The following RNGTT variants were observed in gnomAD, a reference collection of about 807,000 sequenced individuals.
RNGTT encodes the protein RNA guanylyltransferase and 5'-phosphatase, also known as mRNA-capping enzyme.
In RNGTT, 33 loss-of-function variants were observed where a neutral mutation model predicts 79.3. The observed-to-expected ratio is 0.42, with a 90% CI of 0.32 to 0.56. The LOEUF (loss-of-function observed/expected upper bound fraction) is 0.56, where lower values mean the gene tolerates loss of function less well. Ranked by LOEUF, RNGTT falls within the 20% of genes least tolerant of loss-of-function variation. The pLI is 0.17. For missense variants in RNGTT, 497 were observed against 739.1 expected (o/e 0.67, Z 3.80); for synonymous variants, 222 against 235.9 (o/e 0.94, Z 0.54).
intron 8 of RNGTT, among the ~76,000 whole-genome samples, chr6:88,873,515 G>C (rs1782421644): frequency 6.6e-6 from 1 of 152,026 alleles, no homozygotes; most frequent in Admixed American, 6.6e-5. Context: ...GCACATAACA[G>C]ACACTTAAAA....
At chr6:88,836,064 T>C (rs1185803512) in intron 11 of RNGTT, among the ~76,000 whole-genome samples, 2 of 126,130 alleles carry the variant, frequency 1.6e-5, no homozygotes, top group African/African-American at 5.9e-5. Flanking sequence ...TATATAAGAT[T>C]TACATGTATA....
chr6:88,835,975 AACACACACAC>A lies in RNGTT; in HGVS notation c.1269+8372_1269+8381del, dbSNP rs72228554. Among the ~76,000 whole-genome samples the A allele has an allele frequency of 1.8e-3, 202 of 113,772 alleles. 3 individuals carry two copies. Among genetic ancestry groups the A allele is most frequent in the Admixed American group, 0.011 (108 of 10,116 alleles). The allele number at this position is 113,772 out of a possible 152,430, so 74.6% of individuals were successfully genotyped here. On this transcript the variant is annotated intron_variant, in intron 11 of 15. Transcript: ENST00000369485. Reference sequence around the variant, plus strand: ...ACAGCAAGACTCTGTCTCTATTAAAAACACACACACACACACACACACACACACACACACA... The same window carrying A: ...ACAGCAAGACTCTGTCTCTATTAAAAACACACACACACACACACACACACA...
chr6:88,949,330 G>A (rs1303091904), intron 1 of RNGTT, among the ~76,000 whole-genome samples: 2 of 140,412 alleles, frequency 1.4e-5, no homozygotes, highest in Middle Eastern at 4.2e-3. Context: ...GCACAACCTC[G>A]GCTCACTACA....
At chr6:88,614,470 A>G in intron 14 of RNGTT, 75 bp from the exon 15 acceptor site, 1 of 1,400,372 alleles carries the variant, frequency 7.1e-7, no homozygotes, top group Non-Finnish European at 1.0e-6. Context: ...TGACAGGCAC[A>G]TTAGGAAATG....
intron 12 of RNGTT, among the ~76,000 whole-genome samples, chr6:88,780,990 C>CCATCTAGT (rs879365165): frequency 2.0e-5 from 3 of 152,114 alleles, no homozygotes; most frequent in African/African-American, 4.8e-5. Flanking sequence ...GGTGCTACTG[C>CCATCTAGT]CATCTAGTGG....
At chr6:88,850,950 G>T (rs1389046025) in intron 9 of RNGTT, among the ~76,000 whole-genome samples, 1 of 151,956 alleles carries the variant, frequency 6.6e-6, no homozygotes, top group Non-Finnish European at 1.5e-5. Flanking sequence ...AACCACTGAA[G>T]GGTTTTCAAA....
intron 9 of RNGTT, among the ~76,000 whole-genome samples, chr6:88,852,957 G>C (rs1781720115): frequency 6.6e-6 from 1 of 152,096 alleles, no homozygotes; most frequent in Non-Finnish European, 1.5e-5. Context: ...GCTAAGTGTG[G>C]GGAAAAAGAC....
intron 11 of RNGTT, among the ~76,000 whole-genome samples, chr6:88,834,272 A>G (rs953044946): frequency 1.3e-4 from 20 of 152,324 alleles, no homozygotes; most frequent in African/African-American, 4.8e-4. Flanking sequence ...TGGGACAATA[A>G]ATCTTTACGT....
chr6:88,939,844 C>A (rs1784790110), intron 2 of RNGTT, among the ~76,000 whole-genome samples: 1 of 151,536 alleles, frequency 6.6e-6, no homozygotes. Flanking sequence ...CCTCAACCTC[C>A]TGGGTTCAAG....
chr6:88,709,910 G>A (rs1314927560), intron 13 of RNGTT, among the ~76,000 whole-genome samples: 1 of 152,324 alleles, frequency 6.6e-6, no homozygotes, highest in East Asian at 1.9e-4. Flanking sequence ...TTACAGAAAT[G>A]AGCATATACA....
At chr6:88,650,135 A>T (rs1310315890) in intron 14 of RNGTT, among the ~76,000 whole-genome samples, 1 of 152,218 alleles carries the variant, frequency 6.6e-6, no homozygotes, top group Admixed American at 6.5e-5. Flanking sequence ...AGCATGGAAG[A>T]GTTCATCACT....
intron 2 of RNGTT, among the ~76,000 whole-genome samples, chr6:88,930,324 T>C (rs1468954376): frequency 1.3e-5 from 2 of 151,426 alleles, no homozygotes; most frequent in African/African-American, 2.4e-5. Flanking sequence ...GTTACATTTT[T>C]TGAAAAGAAA....
At chr6:88,861,804 C>G (rs1441971422) in intron 8 of RNGTT, among the ~76,000 whole-genome samples, 3 of 152,144 alleles carry the variant, frequency 2.0e-5, no homozygotes, top group South Asian at 2.1e-4. Flanking sequence ...CAGTTTTCCC[C>G]AAAGTTTTTA....
rs112288606 is a variant in RNGTT, at chr6:88,809,985, C to T, written c.1270-8353G>A. ...ATCATTTGAGCCCCAGAGGTTGCAGCTGCAATGAGTCCTGATTGCACCACT... is the reference window on the plus strand; with the variant it reads ...ATCATTTGAGCCCCAGAGGTTGCAGTTGCAATGAGTCCTGATTGCACCACT... On this transcript the variant is annotated intron_variant, in intron 11 of 15. Coordinates refer to ENST00000369485, the MANE Select transcript of RNGTT (RefSeq NM_003800.5). 6.3e-3 allele frequency among the ~76,000 whole-genome samples: 952 copies of T among 152,170 alleles called. 10 individuals carry two copies. The highest frequency in any genetic ancestry group is 0.022 in the African/African-American group (914 of 41,516).
intron 14 of RNGTT, 50 bp downstream of exon 14, chr6:88,678,303 C>T: frequency 6.3e-7 from 1 of 1,576,896 alleles, no homozygotes; most frequent in Non-Finnish European, 8.6e-7. Context: ...TTGATGGATT[C>T]TAGATAAGAG....
At chr6:88,896,866 A>G (rs1783267160) in intron 6 of RNGTT, among the ~76,000 whole-genome samples, 1 of 152,190 alleles carries the variant, frequency 6.6e-6, no homozygotes, top group South Asian at 2.1e-4. Context: ...ATCCATTGAA[A>G]TAACTCGACC....
At chr6:88,683,185 A>G (rs1775155370) in intron 13 of RNGTT, among the ~76,000 whole-genome samples, 1 of 152,158 alleles carries the variant, frequency 6.6e-6, no homozygotes, top group African/African-American at 2.4e-5. Context: ...CAAAAACACT[A>G]AAAACTATTC....
intron 1 of RNGTT, among the ~76,000 whole-genome samples, chr6:88,955,816 G>A (rs1785411270): frequency 1.3e-5 from 2 of 151,968 alleles, no homozygotes; most frequent in Non-Finnish European, 2.9e-5. Flanking sequence ...GCCAAGGGAG[G>A]CAGATCATTT....
At position 88,761,910 on chromosome 6, in the gene RNGTT, C is replaced by T. The variant is rs556008970; in HGVS notation, c.1439+7864G>A. Among the ~76,000 whole-genome samples the T allele has an allele frequency of 2.0e-5, 3 of 152,022 alleles. No homozygotes were observed. The South Asian group carries it at 6.3e-4, about 32-fold the overall frequency. On this transcript the variant is annotated intron_variant, in intron 13 of 15. Coordinates refer to ENST00000369485, the MANE Select transcript of RNGTT (RefSeq NM_003800.5). ...CCCCGATGGGTAATCCCCTAGTGGTCGTGTCTGTTTAAAGTAAGTGTCTGG... is the reference window on the plus strand; with the variant it reads ...CCCCGATGGGTAATCCCCTAGTGGTTGTGTCTGTTTAAAGTAAGTGTCTGG...
Sources: allele counts gnomAD v4.1 joint callset (sites outside exome capture counted in the v4.1 genomes callset), GRCh38; gene constraint gnomAD v4.1.1; transcripts MANE v1.5; gene names NCBI Gene and HGNC (gene_info 2026-07-23, HGNC 2026-07-21).